Variants in TOR1AIP2 observed in about 807,000 individuals in gnomAD.
The protein encoded by TOR1AIP2 is torsin 1A interacting protein 2.
TOR1AIP2 carries 20 observed loss-of-function variants against 32.6 expected under a neutral mutation model. That is an observed-to-expected ratio of 0.61 (90% CI 0.43 to 0.89). TOR1AIP2 has a LOEUF of 0.89. Ranked by LOEUF, TOR1AIP2 falls within the 40% of genes least tolerant of loss-of-function variation. The pLI, the probability that TOR1AIP2 is intolerant of heterozygous loss-of-function variation, is 0.00. For synonymous variants in TOR1AIP2, 214 were observed against 210.8 expected, an observed-to-expected ratio of 1.02 and a Z score of -0.13; for missense variants, 456 against 553.8, an observed-to-expected ratio of 0.82 and a Z score of 1.77.
chr1:179,860,600 G>A (rs549179086), intron 3 of TOR1AIP2: 1 of 985,368 alleles, frequency 1.0e-6, no homozygotes, highest in East Asian at 1.1e-4. Context: ...CATATGTTTG[G>A]TATATGTTAT....
intron 3 of TOR1AIP2, chr1:179,861,358 C>T: frequency 1.0e-6 from 1 of 985,370 alleles, no homozygotes; most frequent in Non-Finnish European, 1.2e-6. Context: ...CTAGAAAGAC[C>T]TAAGGTGAAA....
chr1:179,862,183 T>C (rs1012364117), intron 3 of TOR1AIP2: 24 of 984,314 alleles, frequency 2.4e-5, no homozygotes, highest in Non-Finnish European at 2.9e-5. Context: ...AATGGAGATA[T>C]TGACTAAAAC....
rs543468614 is a variant in TOR1AIP2, at chr1:179,862,623, C to T, written c.-147+2813G>A. 1.2e-5 allele frequency: 12 copies of T among 985,398 alleles called. No individual in the cohort carries two copies. In the African/African-American group the frequency reaches 1.4e-4, roughly 11 times the overall value. The allele number at this position is 985,398 out of a possible 1,614,324, so 61.0% of individuals were successfully genotyped here. A position where few individuals can be genotyped will look rare whatever the true frequency, so the allele number is the denominator to read the frequency against. On this transcript the variant is annotated intron_variant, in intron 3 of 6. Coordinates refer to ENST00000609928, the MANE Select transcript of TOR1AIP2 (RefSeq NM_001199260.2). Reference sequence around the variant, plus strand: ...CACACCAACAGCCATTCATTCCTCACGTTTTCCTTGCTAAAAGAGCCCTGG... The same window carrying T: ...CACACCAACAGCCATTCATTCCTCATGTTTTCCTTGCTAAAAGAGCCCTGG...
At chr1:179,869,487 T>A (rs1446421533) in intron 2 of TOR1AIP2, among the ~76,000 whole-genome samples, 1 of 152,220 alleles carries the variant, frequency 6.6e-6, no homozygotes, top group African/African-American at 2.4e-5. Flanking sequence ...TTCAATATTT[T>A]ATAATGTTTA....
At chr1:179,862,794 G>A (rs1696595495) in intron 3 of TOR1AIP2, 1 of 242,370 alleles carries the variant, frequency 4.1e-6, no homozygotes, top group South Asian at 1.5e-4. Context: ...CAGACATGGT[G>A]GCGGGCACCT....
chr1:179,876,208 T>C (rs1415964948), intron 2 of TOR1AIP2: 1 of 152,172 alleles, frequency 6.6e-6, no homozygotes, highest in Non-Finnish European at 1.5e-5. Context: ...CTGTGTTCCA[T>C]GGAAATGAAT....
chr1:179,861,299 TG>T (rs1696520683), intron 3 of TOR1AIP2: 1 of 984,790 alleles, frequency 1.0e-6, no homozygotes, highest in Admixed American at 6.1e-5. Context: ...ATATCAACTA[TG>T]GAGTATTCTA....
intron 3 of TOR1AIP2, among the ~76,000 whole-genome samples, chr1:179,854,912 T>C (rs1696241275): frequency 6.6e-6 from 1 of 151,824 alleles, no homozygotes; most frequent in Admixed American, 6.6e-5. Flanking sequence ...ATAAAAGCAA[T>C]GGAACACTAG....
intron 3 of TOR1AIP2, among the ~76,000 whole-genome samples, chr1:179,853,889 C>T (rs923070062): frequency 5.3e-5 from 8 of 152,144 alleles, no homozygotes; most frequent in African/African-American, 9.7e-5. Context: ...GAACACTTAG[C>T]GAAGTGTTCA....
At position 179,841,412 on chromosome 1, in the gene TOR1AIP2, T is replaced by TATGTTTACAAC. The variant is rs1695714210; in HGVS notation, c.*4648_*4658dup. ...TTGGCTTTACAAAGACATACTGGTT[T>TATGTTTACAAC]ATGTTTACAACTATGTTTTATTTTC... is the stretch of plus-strand genomic sequence containing the variant. On this transcript the variant is annotated 3_prime_UTR_variant, in exon 7 of 7. Transcript: ENST00000609928. 6.6e-6 allele frequency: 1 copy of TATGTTTACAAC among 152,248 alleles called. No homozygotes were observed. The highest frequency in any genetic ancestry group is 2.4e-5 in the African/African-American group (1 of 41,456). 9.4% of individuals were successfully genotyped at this position (152,248 alleles called of 1,614,324 possible). A position where few individuals can be genotyped will look rare whatever the true frequency, so the allele number is the denominator to read the frequency against.
At chr1:179,864,773 T>C (rs778064494) in intron 3 of TOR1AIP2, 1 of 1,583,572 alleles carries the variant, frequency 6.3e-7, no homozygotes, top group Non-Finnish European at 8.6e-7. Flanking sequence ...TTTTGACTAT[T>C]ATAGAAGCTA....
At chr1:179,877,455 G>C (rs1387608256) in intron 1 of TOR1AIP2, 82 bp from the exon 2 acceptor site, 2 of 152,156 alleles carry the variant, frequency 1.3e-5, no homozygotes, top group African/African-American at 4.8e-5. Flanking sequence ...GCTGAGGCGG[G>C]AGGATCCCTT....
chr1:179,865,093 A>C lies in TOR1AIP2; in HGVS notation c.-147+343T>G, dbSNP rs181936890. On this transcript the variant is annotated intron_variant, in intron 3 of 6. Transcript: ENST00000609928. ...GGTAACATTCATTTTCAACAAGTTC[A>C]GTTTGGTACAACCAGTGGCCTAGTT... 1.5e-3 allele frequency: 2,444 copies of C among 1,614,076 alleles called. 1 individual carries two copies. The highest frequency in any genetic ancestry group is 2.0e-3 in the Non-Finnish European group (2,364 of 1,179,900).
intron 3 of TOR1AIP2, chr1:179,864,419 C>G: frequency 1.0e-6 from 1 of 998,346 alleles, no homozygotes; most frequent in Non-Finnish European, 1.2e-6. Context: ...ATTAGAAATA[C>G]CACTATGAAG....
At position 179,845,087 on chromosome 1, in the gene TOR1AIP2, C is replaced by T. The variant is rs1055940607; in HGVS notation, c.*984G>A. ...ATCCTTCATAAATAATGTATCTATA[C>T]AATAAACCTGTATTTCATCTTCCTA... On this transcript the variant is annotated 3_prime_UTR_variant, in exon 7 of 7. Transcript: ENST00000609928. 6.6e-6 allele frequency: 1 copy of T among 152,140 alleles called. No individual in the cohort carries two copies. Among genetic ancestry groups the T allele is most frequent in the Non-Finnish European group, 1.5e-5 (1 of 68,016 alleles). The allele number at this position is 152,140 out of a possible 1,614,324, so 9.4% of individuals were successfully genotyped here.
intron 2 of TOR1AIP2, chr1:179,868,054 C>A (rs957147839): frequency 1.3e-5 from 2 of 152,250 alleles, no homozygotes; most frequent in Non-Finnish European, 2.9e-5. Flanking sequence ...AGATTCCTAA[C>A]CCCTATCCCC....
chr1:179,870,632 T>C (rs1696978956), intron 2 of TOR1AIP2, among the ~76,000 whole-genome samples: 1 of 152,160 alleles, frequency 6.6e-6, no homozygotes, highest in Admixed American at 6.5e-5. Flanking sequence ...TCATTTTTAG[T>C]AATCGGATAT....
At chr1:179,859,330 G>T in intron 3 of TOR1AIP2, 1 of 884,580 alleles carries the variant, frequency 1.1e-6, no homozygotes, top group Non-Finnish European at 1.4e-6. Flanking sequence ...AGGAAACTGA[G>T]ATACAGAAAA....
At chr1:179,862,193 CAAA>C (rs1178495330) in intron 3 of TOR1AIP2, 3 of 983,590 alleles carry the variant, frequency 3.1e-6, no homozygotes, top group Non-Finnish European at 3.6e-6. Flanking sequence ...TTGACTAAAA[CAAA>C]AACAAAAACC....
Sources: allele counts gnomAD v4.1 joint callset (sites outside exome capture counted in the v4.1 genomes callset), GRCh38; gene constraint gnomAD v4.1.1; transcripts MANE v1.5; gene names NCBI Gene and HGNC (gene_info 2026-07-23, HGNC 2026-07-21).